The following RXFP1 variants were observed in gnomAD, a reference collection of about 807,000 sequenced individuals.
RXFP1 encodes relaxin receptor 1.
Under a neutral mutation model 89.8 loss-of-function variants are expected in RXFP1, and 73 were observed. The ratio of observed to expected loss-of-function variants is 0.81; its 90% CI spans 0.67 to 0.99. The LOEUF (loss-of-function observed/expected upper bound fraction) is 0.99, where lower values mean the gene tolerates loss of function less well. Ranked by LOEUF, RXFP1 falls within the 50% of genes least tolerant of loss-of-function variation. The probability of loss-of-function intolerance (pLI) is 0.00; values close to 1 mark genes in which losing one functional copy is unlikely to be tolerated. For missense variants in RXFP1, 793 were observed against 895.5 expected (o/e 0.89, Z 1.46); for synonymous variants, 277 against 305.5 (o/e 0.91, Z 0.97).
intron 2 of RXFP1, among the ~76,000 whole-genome samples, chr4:158,578,359 A>C (rs906816760): frequency 6.6e-6 from 1 of 152,222 alleles, no homozygotes; most frequent in African/African-American, 2.4e-5. Context: ...GACAATGACA[A>C]ACCCAAAAGG....
At chr4:158,572,862 G>C (rs1755383681) in intron 2 of RXFP1, 27 bp downstream of exon 2, 1 of 1,612,288 alleles carries the variant, frequency 6.2e-7, no homozygotes, top group African/African-American at 1.3e-5. Flanking sequence ...CAGTCACGGT[G>C]AGAGAAAGGA....
chr4:158,527,186 A>G (rs1458498444), intron 1 of RXFP1, among the ~76,000 whole-genome samples: 2 of 152,186 alleles, frequency 1.3e-5, no homozygotes, highest in Non-Finnish European at 2.9e-5. Flanking sequence ...TTTTTTTGTT[A>G]GAGGATTGAG....
At chr4:158,596,066 C>T (rs1561090286) in intron 3 of RXFP1, among the ~76,000 whole-genome samples, 1 of 151,590 alleles carries the variant, frequency 6.6e-6, no homozygotes, top group Admixed American at 6.6e-5. Flanking sequence ...TGTGATTGAG[C>T]CACTGTGCTC....
At chr4:158,552,230 T>C (rs779118564) in intron 1 of RXFP1, among the ~76,000 whole-genome samples, 3 of 152,208 alleles carry the variant, frequency 2.0e-5, no homozygotes, top group Non-Finnish European at 4.4e-5. Flanking sequence ...TAAAACTGAC[T>C]GTTACCACAC....
intron 2 of RXFP1, among the ~76,000 whole-genome samples, chr4:158,585,194 A>T (rs573241693): frequency 6.6e-6 from 1 of 152,362 alleles, no homozygotes; most frequent in East Asian, 1.9e-4. Context: ...AAAGAGTTAA[A>T]CAAAATTAAA....
In RXFP1 at chr4:158,544,161, C is replaced by T. The variant is rs566497657; in HGVS notation, c.49+22136C>T. ...AAGGAGAATCTAGAACCACTGTCTT[C>T]ATTGGAAATCATTGTTCCAAATGAA... On this transcript the variant is annotated intron_variant, in intron 1 of 17. Transcript: ENST00000307765. 5 of 983,648 alleles carry T rather than the reference C, an allele frequency of 5.1e-6. No homozygotes were observed. In the East Asian group the frequency reaches 5.7e-4, roughly 112 times the overall value. The allele number at this position is 983,648 out of a possible 1,614,324, so 60.9% of individuals were successfully genotyped here.
intron 1 of RXFP1, among the ~76,000 whole-genome samples, chr4:158,545,390 T>G (rs896160190): frequency 6.6e-6 from 1 of 152,194 alleles, no homozygotes; most frequent in Non-Finnish European, 1.5e-5. Context: ...TTTCTCCCAT[T>G]TTGTAGGTTG....
At position 158,647,264 on chromosome 4, in the gene RXFP1, T is replaced by C; in HGVS notation, c.1756+63T>C. 2.4e-5 allele frequency: 32 copies of C among 1,326,088 alleles called. No homozygotes were observed. The South Asian group carries it at 4.8e-4, about 20-fold the overall frequency. The allele number at this position is 1,326,088 out of a possible 1,614,324, so 82.1% of individuals were successfully genotyped here. ...TTCAAATCTTCCAACCAGTTTTTGT[T>C]AGTAAGAATGAGGGTGAATTCTATC... is the stretch of plus-strand genomic sequence containing the variant. On this transcript the variant is annotated intron_variant, in intron 16 of 17. Coordinates refer to ENST00000307765, the MANE Select transcript of RXFP1 (RefSeq NM_021634.4).
chr4:158,555,470 T>G (rs1477585049), intron 1 of RXFP1, among the ~76,000 whole-genome samples: 1 of 152,200 alleles, frequency 6.6e-6, no homozygotes, highest in African/African-American at 2.4e-5. Context: ...CTGTACTTGC[T>G]CTCTGGCTTT....
At chr4:158,602,972 C>G (rs1761969282) in intron 4 of RXFP1, among the ~76,000 whole-genome samples, 1 of 152,188 alleles carries the variant, frequency 6.6e-6, no homozygotes, top group South Asian at 2.1e-4. Flanking sequence ...ACTGTGCCCC[C>G]CAGGCTGGAG....
At chr4:158,555,104 A>G (rs1421254670) in intron 1 of RXFP1, among the ~76,000 whole-genome samples, 3 of 152,212 alleles carry the variant, frequency 2.0e-5, no homozygotes, top group African/African-American at 7.2e-5. Flanking sequence ...ATGATATTAA[A>G]ATTTTCCATA....
intron 13 of RXFP1, among the ~76,000 whole-genome samples, chr4:158,638,475 A>C (rs1412158856): frequency 1.3e-5 from 2 of 152,250 alleles, no homozygotes; most frequent in Non-Finnish European, 2.9e-5. Flanking sequence ...ACACACAAAA[A>C]GACAAAAATT....
chr4:158,639,135 A>G (rs1769841652), intron 13 of RXFP1, 125 bp from the exon 14 acceptor site: 1 of 576,004 alleles, frequency 1.7e-6, no homozygotes, highest in South Asian at 2.4e-5. Context: ...GTTGAGTATA[A>G]TTATTTTGTT....
At chr4:158,542,109 A>ATATATATATATATATATATATTTTTT in intron 1 of RXFP1, among the ~76,000 whole-genome samples, 42 of 35,188 alleles carry the variant, frequency 1.2e-3, no homozygotes, top group African/African-American at 1.4e-3. Flanking sequence ...ATATATATAT[A>ATATATATATATATATATATATTTTTT]TTTTTTTTTT....
intron 4 of RXFP1, 122 bp downstream of exon 4, chr4:158,599,553 G>A: frequency 1.3e-6 from 1 of 785,566 alleles, no homozygotes; most frequent in Non-Finnish European, 1.9e-6. Context: ...ATTTTTCCTG[G>A]GTCAGGTATA....
At position 158,652,090 on chromosome 4, in the gene RXFP1, T is replaced by C. The variant is rs745604046; in HGVS notation, c.*35T>C. ...AAATTCATTTCTTCGCAGAGAATAC[T>C]GTGGGGGTGCTTCATGAGGGATTTA... On this transcript the variant is annotated 3_prime_UTR_variant, in exon 18 of 18. Coordinates refer to ENST00000307765, the MANE Select transcript of RXFP1 (RefSeq NM_021634.4). 1 of 1,549,172 alleles carries C rather than the reference T, an allele frequency of 6.5e-7. No homozygotes were observed. The highest frequency in any genetic ancestry group is 1.9e-5 in the Admixed American group (1 of 53,094).
At chr4:158,641,935 T>C (rs997504789) in intron 14 of RXFP1, among the ~76,000 whole-genome samples, 1 of 152,190 alleles carries the variant, frequency 6.6e-6, no homozygotes, top group Non-Finnish European at 1.5e-5. Context: ...GGTAACACAA[T>C]AGTAATTATA....
intron 1 of RXFP1, among the ~76,000 whole-genome samples, chr4:158,566,981 C>A (rs1395987065): frequency 6.6e-6 from 1 of 152,218 alleles, no homozygotes; most frequent in African/African-American, 2.4e-5. Context: ...GCGTGCAGCG[C>A]TTGCAGGCCA....
intron 1 of RXFP1, among the ~76,000 whole-genome samples, chr4:158,530,617 C>T (rs1233353500): frequency 6.6e-6 from 1 of 152,210 alleles, no homozygotes; most frequent in Non-Finnish European, 1.5e-5. Context: ...CATCATCAGT[C>T]ATGCTTTCTG....
Sources: allele counts gnomAD v4.1 joint callset (sites outside exome capture counted in the v4.1 genomes callset), GRCh38; gene constraint gnomAD v4.1.1; transcripts MANE v1.5; gene names NCBI Gene and HGNC (gene_info 2026-07-23, HGNC 2026-07-21).